LOC400499: variants seen among roughly 807,000 people sequenced by gnomAD.
chr16:11,383,461 G>A, the LOC400499 span, among the ~76,000 whole-genome samples: 178 of 152,300 alleles, frequency 1.2e-3, 4 homozygotes, highest in Middle Eastern at 0.014. Context: ...CATCCATGAG[G>A]CATGTACCTG....
the LOC400499 span, among the ~76,000 whole-genome samples, chr16:11,401,840 G>A: frequency 6.6e-6 from 1 of 152,218 alleles, no homozygotes; most frequent in Non-Finnish European, 1.5e-5. Flanking sequence ...TCACTGCCGT[G>A]GCTGTCAAGG....
the LOC400499 span, chr16:11,399,599 A>C: frequency 7.5e-6 from 3 of 398,598 alleles, no homozygotes; most frequent in Non-Finnish European, 1.3e-5. Flanking sequence ...GGTTTCCTGG[A>C]GCTGATAGGG....
chr16:11,480,516 T>G, the LOC400499 span, among the ~76,000 whole-genome samples: 1 of 152,082 alleles, frequency 6.6e-6, no homozygotes, highest in Non-Finnish European at 1.5e-5. Flanking sequence ...AATCTAAAAC[T>G]CCAACAATGG....
chr16:11,463,054 A>T, the LOC400499 span, among the ~76,000 whole-genome samples: 1 of 152,014 alleles, frequency 6.6e-6, no homozygotes, highest in Non-Finnish European at 1.5e-5. Flanking sequence ...AGTACAACCC[A>T]AAGTCCTTGT....
chr16:11,389,366 G>C, the LOC400499 span, among the ~76,000 whole-genome samples: 1 of 152,102 alleles, frequency 6.6e-6, no homozygotes, highest in African/African-American at 2.4e-5. Flanking sequence ...AAGTAAGAAG[G>C]GTTTTTGTGT....
the LOC400499 span, among the ~76,000 whole-genome samples, chr16:11,379,809 G>A: frequency 6.6e-6 from 1 of 152,178 alleles, no homozygotes; most frequent in African/African-American, 2.4e-5. Context: ...TTGCTTTTGT[G>A]TACGTTCTGT....
chr16:11,402,090 A>G, the LOC400499 span: 14 of 398,942 alleles, frequency 3.5e-5, 1 homozygote, highest in East Asian at 1.4e-4. Flanking sequence ...CTGCCTCCCA[A>G]ATGCTCTGAG....
At chr16:11,505,632 G>C in the LOC400499 span, among the ~76,000 whole-genome samples, 1 of 151,290 alleles carries the variant, frequency 6.6e-6, no homozygotes, top group Non-Finnish European at 1.5e-5. Flanking sequence ...TTTTTGTAGA[G>C]ATGGGCTCTC....
At chr16:11,385,386 A>G in the LOC400499 span, 1 of 1,232,276 alleles carries the variant, frequency 8.1e-7, no homozygotes, top group Non-Finnish European at 1.0e-6. Flanking sequence ...GAAGGTCACC[A>G]CGTGCTGGGC....
chr16:11,457,633 C>T, the LOC400499 span, among the ~76,000 whole-genome samples: 1 of 151,706 alleles, frequency 6.6e-6, no homozygotes, highest in Non-Finnish European at 1.5e-5. Context: ...TTACCATACG[C>T]CCCAGAAATA....
the LOC400499 span, chr16:11,461,052 T>C: frequency 1.3e-6 from 2 of 1,536,120 alleles, no homozygotes; most frequent in Non-Finnish European, 1.7e-6. Flanking sequence ...CCACCAGCCC[T>C]GGCACAAACA....
At chr16:11,493,571 G>A in the LOC400499 span, 1 of 394,324 alleles carries the variant, frequency 2.5e-6, no homozygotes, top group Non-Finnish European at 4.5e-6. Context: ...CTGAATAAGT[G>A]AATTAGCAAA....
the LOC400499 span, among the ~76,000 whole-genome samples, chr16:11,422,834 T>C: frequency 6.6e-6 from 1 of 152,116 alleles, no homozygotes; most frequent in Non-Finnish European, 1.5e-5. Context: ...AGCGCCACGG[T>C]CCGCTTGTCT....
the LOC400499 span, among the ~76,000 whole-genome samples, chr16:11,517,483 T>A: frequency 6.6e-6 from 1 of 151,998 alleles, no homozygotes; most frequent in East Asian, 1.9e-4. Context: ...CCACCCACAT[T>A]CTGGATGAGG....
At chr16:11,443,545 T>C in the LOC400499 span, 2 of 316,424 alleles carry the variant, frequency 6.3e-6, no homozygotes, top group East Asian at 2.0e-4. Flanking sequence ...AGATGCTCCA[T>C]AAATGCTTGC....
the LOC400499 span, among the ~76,000 whole-genome samples, chr16:11,437,087 A>C: frequency 2.0e-5 from 3 of 152,260 alleles, no homozygotes; most frequent in African/African-American, 7.2e-5. Context: ...ACTGTATTCC[A>C]ACTCTATGAC....
At chr16:11,518,983 G>A in the LOC400499 span, 40 of 399,058 alleles carry the variant, frequency 1.0e-4, 2 homozygotes, top group African/African-American at 7.8e-4. Context: ...GAAGCACAAA[G>A]CACCGTGAGT....
the LOC400499 span, among the ~76,000 whole-genome samples, chr16:11,506,880 G>T: frequency 2.0e-5 from 3 of 152,298 alleles, no homozygotes; most frequent in East Asian, 5.8e-4. Context: ...CCTCCCGGGG[G>T]CCCAGGAGCT....
the LOC400499 span, among the ~76,000 whole-genome samples, chr16:11,514,962 A>C: frequency 5.3e-5 from 8 of 152,062 alleles, no homozygotes; most frequent in African/African-American, 1.4e-4. Context: ...TTTACAAAGC[A>C]CTTGCCTCTT....
Sources: gnomAD v4.1 joint callset for allele counts (sites outside exome capture counted in the v4.1 genomes callset) on GRCh38, gnomAD v4.1.1 for gene constraint, MANE v1.5 for transcripts.